Variants in SH3GL3 observed in about 807,000 individuals in gnomAD.
SH3GL3 encodes endophilin-A3.
A neutral mutation model predicts 47.7 loss-of-function variants in SH3GL3; 33 were observed. The observed-to-expected ratio is 0.69, with a 90% CI of 0.52 to 0.92. SH3GL3 has a LOEUF of 0.92. Among genes scored for constraint, SH3GL3 ranks in the 40% least tolerant of loss-of-function variants. The pLI is 0.00. For synonymous variants in SH3GL3, 155 were observed against 148.8 expected, an observed-to-expected ratio of 1.04 and a Z score of -0.30; for missense variants, 363 against 417.8, an observed-to-expected ratio of 0.87 and a Z score of 1.14.
Position 83,572,548 on chromosome 15 carries a change from T to A in SH3GL3, c.332-17T>A. 6.2e-7 allele frequency: 1 copy of A among 1,603,972 alleles called. No homozygotes were observed. The highest frequency in any genetic ancestry group is 8.5e-7 in the Non-Finnish European group (1 of 1,175,060). On this transcript the variant is annotated splice_polypyrimidine_tract_variant and intron_variant, in intron 4 of 8. Transcript: ENST00000427482. ...GTGTTCCCAAAGAACCTTTTGTATT[T>A]ATGTTTTCTATTCAAGGCAATGCAT...
intron 1 of SH3GL3, among the ~76,000 whole-genome samples, chr15:83,459,949 C>G (rs1171101670): frequency 6.7e-6 from 1 of 149,610 alleles, no homozygotes; most frequent in Non-Finnish European, 1.5e-5. Context: ...CCCCCCCACC[C>G]CCAGTTCTCA....
At chr15:83,476,808 G>T (rs1204874105) in intron 1 of SH3GL3, among the ~76,000 whole-genome samples, 2 of 152,228 alleles carry the variant, frequency 1.3e-5, no homozygotes, top group African/African-American at 4.8e-5. Context: ...TCCCTACAAA[G>T]AAGTTTGCCA....
intron 1 of SH3GL3, among the ~76,000 whole-genome samples, chr15:83,542,886 A>C (rs893443783): frequency 6.6e-6 from 1 of 152,092 alleles, no homozygotes; most frequent in African/African-American, 2.4e-5. Context: ...GATTTTTCCA[A>C]ATATAAGATC....
At chr15:83,495,738 A>G (rs2042050471) in intron 1 of SH3GL3, among the ~76,000 whole-genome samples, 1 of 152,124 alleles carries the variant, frequency 6.6e-6, no homozygotes, top group African/African-American at 2.4e-5. Flanking sequence ...CTCGGTCTCA[A>G]AAGAAAAAAA....
At position 83,448,848 on chromosome 15, in the gene SH3GL3, G is replaced by C. The variant is rs1326211759; in HGVS notation, c.45+1270G>C. 6.6e-6 allele frequency among the ~76,000 whole-genome samples: 1 copy of C among 152,194 alleles called. No individual in the cohort carries two copies. Among genetic ancestry groups the C allele is most frequent in the Non-Finnish European group, 1.5e-5 (1 of 68,044 alleles). On this transcript the variant is annotated intron_variant, in intron 1 of 8. Coordinates refer to ENST00000427482, the MANE Select transcript of SH3GL3 (RefSeq NM_003027.5). This position sits in a 1 kb window ranked among gnomAD's most constrained non-coding sequence, Gnocchi z 4.2. ...TCTAGCTGGGGGCACTGGGTGGACA[G>C]TGGTGCTATTCAAGGTGTTAAGGAG...
At chr15:83,486,620 C>T (rs2041609473) in intron 1 of SH3GL3, among the ~76,000 whole-genome samples, 2 of 151,922 alleles carry the variant, frequency 1.3e-5, no homozygotes, top group Admixed American at 6.6e-5. Context: ...ATAAATATAC[C>T]ATAATTTGTC....
intron 7 of SH3GL3, among the ~76,000 whole-genome samples, chr15:83,587,894 C>T (rs1028227435): frequency 5.9e-5 from 9 of 152,208 alleles, no homozygotes; most frequent in Non-Finnish European, 1.3e-4. Context: ...AAATCAATGA[C>T]GTAGTTACCT....
intron 2 of SH3GL3, among the ~76,000 whole-genome samples, chr15:83,562,537 A>C (rs1386210181): frequency 6.6e-6 from 1 of 152,150 alleles, no homozygotes; most frequent in Non-Finnish European, 1.5e-5. Context: ...CATTTTTCTT[A>C]AGCTTTAAAC....
At chr15:83,508,887 G>A (rs1279923989) in intron 1 of SH3GL3, among the ~76,000 whole-genome samples, 1 of 152,098 alleles carries the variant, frequency 6.6e-6, no homozygotes, top group African/African-American at 2.4e-5. Flanking sequence ...AGCCACTGCT[G>A]GGCTTACATT....
the SH3GL3 span, among the ~76,000 whole-genome samples, chr15:83,631,037 C>G: frequency 6.6e-6 from 1 of 152,148 alleles, no homozygotes; most frequent in East Asian, 1.9e-4. Flanking sequence ...GGTAAATACA[C>G]CTGTTCCAAA....
At chr15:83,570,446 A>G (rs1041439992) in intron 4 of SH3GL3, among the ~76,000 whole-genome samples, 2 of 152,174 alleles carry the variant, frequency 1.3e-5, no homozygotes, top group Admixed American at 6.5e-5. Context: ...TAGGTATTGT[A>G]TTGCAAAAAG....
chr15:83,552,689 G>A (rs2044723728), intron 1 of SH3GL3, among the ~76,000 whole-genome samples: 1 of 152,112 alleles, frequency 6.6e-6, no homozygotes, highest in African/African-American at 2.4e-5. Context: ...GGGGATATAG[G>A]TATATGTGCA....
intron 1 of SH3GL3, among the ~76,000 whole-genome samples, chr15:83,516,043 A>C (rs561131740): frequency 3.3e-5 from 5 of 151,656 alleles, no homozygotes; most frequent in Non-Finnish European, 7.4e-5. Context: ...AAGATAAATC[A>C]TAGTATTTAG....
At chr15:83,566,118 G>A (rs1194403639) in intron 3 of SH3GL3, among the ~76,000 whole-genome samples, 2 of 152,042 alleles carry the variant, frequency 1.3e-5, no homozygotes, top group Non-Finnish European at 2.9e-5. Flanking sequence ...AGAGGATTTC[G>A]GGGTGCTGGA....
intron 1 of SH3GL3, among the ~76,000 whole-genome samples, chr15:83,550,797 TG>T: frequency 6.6e-6 from 1 of 152,226 alleles, no homozygotes; most frequent in Non-Finnish European, 1.5e-5. Flanking sequence ...TTTTTGTTTT[TG>T]TTTGTTTGTT....
intron 1 of SH3GL3, among the ~76,000 whole-genome samples, chr15:83,542,177 T>C (rs2044201071): frequency 6.6e-6 from 1 of 152,244 alleles, no homozygotes; most frequent in Non-Finnish European, 1.5e-5. Flanking sequence ...AGTTTCACTC[T>C]TCTGCATATG....
At chr15:83,468,004 A>G (rs2040650536) in intron 1 of SH3GL3, among the ~76,000 whole-genome samples, 1 of 151,576 alleles carries the variant, frequency 6.6e-6, no homozygotes, top group Non-Finnish European at 1.5e-5. Flanking sequence ...ATTTTCTGTT[A>G]TATTTTTAGT....
At chr15:83,467,815 A>C (rs533162905) in intron 1 of SH3GL3, among the ~76,000 whole-genome samples, 4 of 151,790 alleles carry the variant, frequency 2.6e-5, no homozygotes, top group East Asian at 1.9e-4. Flanking sequence ...AAGGTATTGT[A>C]TTTTCTTTTC....
At chr15:83,574,129 G>C (rs1349733454) in intron 5 of SH3GL3, among the ~76,000 whole-genome samples, 1 of 152,180 alleles carries the variant, frequency 6.6e-6, no homozygotes, top group Non-Finnish European at 1.5e-5. Context: ...ATGGCCAGGG[G>C]ATAGGGTGTG....
Sources: gnomAD v4.1 joint callset for allele counts (sites outside exome capture counted in the v4.1 genomes callset) on GRCh38, gnomAD v4.1.1 for gene constraint, Gnocchi (gnomAD v3.1) non-coding constraint, MANE v1.5 for transcripts, NCBI Gene and HGNC (gene_info 2026-07-23, HGNC 2026-07-21) for gene names.